SNRPN: variants seen among roughly 807,000 people sequenced by gnomAD.
SNRPN encodes the protein small nuclear ribonucleoprotein-associated protein N.
SNRPN carries 7 observed loss-of-function variants against 25.2 expected under a neutral mutation model. The observed-to-expected ratio is 0.28, with a 90% CI of 0.16 to 0.52. The LOEUF is 0.52. SNRPN is among the 20% of genes least tolerant of loss of function. SNRPN has a pLI of 0.96. For missense variants in SNRPN, 196 were observed against 322.5 expected (o/e 0.61, Z 3.00); for synonymous variants, 124 against 110.6 (o/e 1.12, Z -0.76).
chr15:24,953,404 A>G (rs1202837573), upstream of SNRPN, among the ~76,000 whole-genome samples: 1 of 152,050 alleles, frequency 6.6e-6, no homozygotes, highest in Non-Finnish European at 1.5e-5. Flanking sequence ...GCTCACTGCA[A>G]CCTCCGCCTC....
At chr15:24,902,752 C>T (rs914289685) in intron 2 of SNRPN, among the ~76,000 whole-genome samples, 3 of 152,130 alleles carry the variant, frequency 2.0e-5, no homozygotes, top group South Asian at 2.1e-4. Flanking sequence ...ATGGTCTCGC[C>T]GGCTTCAGGA....
At chr15:24,950,585 A>G (rs220026), upstream of SNRPN, among the ~76,000 whole-genome samples, 17,339 of 121,648 alleles carry the variant, frequency 0.14, 2,147 homozygotes, top group African/African-American at 0.36. Flanking sequence ...GTTTTGCTCC[A>G]TCACCCAGGC....
At position 24,968,094 on chromosome 15, in the gene SNRPN, T is replaced by C. The variant is rs748205165; in HGVS notation, c.-144+12T>C. The C allele has an allele frequency of 3.9e-5, 55 of 1,395,296 alleles. No individual in the cohort carries two copies. The highest frequency in any genetic ancestry group is 5.4e-5 in the Non-Finnish European group (53 of 981,624). 86.4% of individuals were successfully genotyped at this position (1,395,296 alleles called of 1,614,324 possible). On this transcript the variant is annotated intron_variant, in intron 3 of 9. Coordinates refer to ENST00000390687, the MANE Select transcript of SNRPN (RefSeq NM_003097.6). ...CAAGCAAAAACCAGGTTAGAGCTAA[T>C]GCAGCAATGATCAAGAATAAAGAAT... is the stretch of plus-strand genomic sequence containing the variant.
intron 1 of SNRPN, among the ~76,000 whole-genome samples, chr15:24,955,308 A>G (rs1293657360): frequency 1.3e-5 from 2 of 151,592 alleles, no homozygotes; most frequent in African/African-American, 2.4e-5. Context: ...TGGTGTCGCG[A>G]CAGGTCCTAT....
At chr15:24,967,703 G>A (rs2075851299) in intron 2 of SNRPN, among the ~76,000 whole-genome samples, 2 of 150,956 alleles carry the variant, frequency 1.3e-5, no homozygotes, top group Admixed American at 6.6e-5. Context: ...AGCTACTTGG[G>A]AGGCTGAGGC....
intron 2 of SNRPN, among the ~76,000 whole-genome samples, chr15:24,888,112 C>CTTTTTTTTT (rs113183574): frequency 5.7e-5 from 8 of 139,898 alleles, no homozygotes; most frequent in South Asian, 2.3e-4. Flanking sequence ...TTAGAAATGA[C>CTTTTTTTTT]TTTTTTTTTT....
intron 2 of SNRPN, chr15:24,909,028 C>T: frequency 7.0e-7 from 1 of 1,428,970 alleles, no homozygotes. Flanking sequence ...GATGGTTCCA[C>T]CTCTTCTTTT....
intron 1 of SNRPN, among the ~76,000 whole-genome samples, chr15:24,860,692 G>GTGTT (rs1259956584): frequency 6.6e-6 from 1 of 152,154 alleles, no homozygotes; most frequent in African/African-American, 2.4e-5. Context: ...TTATCATAAA[G>GTGTT]TGTTGAATAT....
chr15:24,957,219 G>C (rs1437522608), intron 1 of SNRPN, among the ~76,000 whole-genome samples: 1 of 152,092 alleles, frequency 6.6e-6, no homozygotes, highest in Admixed American at 6.6e-5. Flanking sequence ...TAAATGGGTT[G>C]GGGGAGAGGA....
intron 3 of SNRPN, among the ~76,000 whole-genome samples, chr15:24,921,718 A>C (rs2060030481): frequency 6.6e-6 from 1 of 152,188 alleles, no homozygotes; most frequent in Non-Finnish European, 1.5e-5. Flanking sequence ...AAGAGAGCAC[A>C]GTCCTTCAGG....
chr15:24,918,104 C>A (rs1331069253), intron 2 of SNRPN, among the ~76,000 whole-genome samples: 1 of 151,688 alleles, frequency 6.6e-6, no homozygotes, highest in South Asian at 2.1e-4. Flanking sequence ...TTTAATGAGA[C>A]TCCTCTTATA....
rs866775122 is a variant in SNRPN, at chr15:24,884,165, G to A, written c.-578-2351G>A. The stretch of plus-strand genomic sequence containing the variant: ...TGCCTCTACAAAAAAAAAAAAAAAA[G>A]ATCTATATACACACACACAAATGCC... On this transcript the variant is annotated intron_variant, in intron 1 of 11. Transcript: ENST00000400097. Among the ~76,000 whole-genome samples the A allele has an allele frequency of 1.3e-3, 89 of 66,900 alleles. 2 individuals are homozygous for A. The highest frequency in any genetic ancestry group is 3.0e-3 in the African/African-American group (48 of 16,066). The allele number at this position is 66,900 out of a possible 152,430, so 43.9% of individuals were successfully genotyped here. A position where few individuals can be genotyped will look rare whatever the true frequency, so the allele number is the denominator to read the frequency against.
chr15:24,829,215 A>T (rs1469252693), intron 1 of SNRPN, among the ~76,000 whole-genome samples: 1 of 152,102 alleles, frequency 6.6e-6, no homozygotes, highest in African/African-American at 2.4e-5. Context: ...GTTAAAGGCC[A>T]ATGGGGATTC....
At chr15:24,966,129 T>G (rs186322050) in intron 2 of SNRPN, among the ~76,000 whole-genome samples, 1 of 152,318 alleles carries the variant, frequency 6.6e-6, no homozygotes, top group East Asian at 1.9e-4. Flanking sequence ...TTCCCCTCAA[T>G]GCAGACACCA....
chr15:24,846,633 A>T (rs972175965), intron 2 of SNRPN, among the ~76,000 whole-genome samples: 1 of 152,246 alleles, frequency 6.6e-6, no homozygotes, highest in Non-Finnish European at 1.5e-5. Flanking sequence ...TTAGAATTAG[A>T]CAAGACAAAA....
chr15:24,846,084 C>CAAA (rs59290191), intron 2 of SNRPN, among the ~76,000 whole-genome samples: 2 of 137,216 alleles, frequency 1.5e-5, no homozygotes, highest in Non-Finnish European at 1.6e-5. Context: ...GACTCCGTCT[C>CAAA]AAAAAAAAAA....
intron 1 of SNRPN, among the ~76,000 whole-genome samples, chr15:24,867,620 C>T (rs914832945): frequency 3.9e-5 from 6 of 152,100 alleles, no homozygotes; most frequent in East Asian, 3.9e-4. Context: ...ATGATCCACC[C>T]GCCTCGGCCT....
chr15:24,882,306 C>T (rs915140502), intron 1 of SNRPN, among the ~76,000 whole-genome samples: 1 of 151,944 alleles, frequency 6.6e-6, no homozygotes. Flanking sequence ...AAACATCTTA[C>T]ATAAAATTTG....
chr15:24,923,454 G>A (rs899733465), intron 3 of SNRPN, among the ~76,000 whole-genome samples: 2 of 152,060 alleles, frequency 1.3e-5, no homozygotes, highest in Admixed American at 1.3e-4. Flanking sequence ...CCTTACACAC[G>A]CACCATCCAT....
Sources: gnomAD v4.1 joint callset for allele counts (sites outside exome capture counted in the v4.1 genomes callset) on GRCh38, gnomAD v4.1.1 for gene constraint, MANE v1.5 for transcripts, NCBI Gene and HGNC (gene_info 2026-07-23, HGNC 2026-07-21) for gene names.